EPB41L4B: variants seen among roughly 807,000 people sequenced by gnomAD.
EPB41L4B encodes the protein erythrocyte membrane protein band 4.1 like 4B, also known as band 4.1-like protein 4B.
In EPB41L4B, 30 loss-of-function variants were observed where a neutral mutation model predicts 112.5. The observed-to-expected ratio is 0.27, with a 90% CI of 0.20 to 0.36. The LOEUF is 0.36. EPB41L4B is among the 10% of genes least tolerant of loss of function. The pLI, the probability that EPB41L4B is intolerant of heterozygous loss-of-function variation, is 1.00. For missense variants in EPB41L4B, 1,024 were observed against 1,133.3 expected (o/e 0.90, Z 1.38); for synonymous variants, 408 against 439.7 (o/e 0.93, Z 0.90).
intron 15 of EPB41L4B, among the ~76,000 whole-genome samples, chr9:109,242,256 T>C (rs1412261495): frequency 2.0e-5 from 3 of 152,210 alleles, no homozygotes; most frequent in African/African-American, 4.8e-5. Flanking sequence ...CCCCACCCCA[T>C]AGATTCTGAT....
chr9:109,232,905 G>A (rs1430216006), intron 15 of EPB41L4B, among the ~76,000 whole-genome samples: 1 of 152,120 alleles, frequency 6.6e-6, no homozygotes, highest in Non-Finnish European at 1.5e-5. Flanking sequence ...ATCCTTAGTT[G>A]GCCTCCGAAG....
intron 20 of EPB41L4B, among the ~76,000 whole-genome samples, chr9:109,197,756 G>T (rs118089044): frequency 0.022 from 3,236 of 149,036 alleles, 51 homozygotes; most frequent in Non-Finnish European, 0.034. Flanking sequence ...GGAGGCGAAG[G>T]TTGCAGTGAG....
chr9:109,255,488 G>A (rs767756326), intron 11 of EPB41L4B, 23 bp downstream of exon 11: 40 of 1,611,218 alleles, frequency 2.5e-5, no homozygotes, highest in Admixed American at 1.2e-4. Flanking sequence ...GACGTGATCC[G>A]TGTTGCAGAA....
At chr9:109,233,666 G>T (rs1834033056) in intron 15 of EPB41L4B, among the ~76,000 whole-genome samples, 1 of 151,910 alleles carries the variant, frequency 6.6e-6, no homozygotes, top group African/African-American at 2.4e-5. Flanking sequence ...GAGTAGCTGG[G>T]GTTACAGGCA....
chr9:109,234,901 C>T (rs1834085814), intron 15 of EPB41L4B, among the ~76,000 whole-genome samples: 1 of 152,202 alleles, frequency 6.6e-6, no homozygotes, highest in Non-Finnish European at 1.5e-5. Context: ...CAACAAAGCA[C>T]AGTGGTTCCC....
In EPB41L4B at chr9:109,174,390, C is replaced by A. The variant is rs1453585134; in HGVS notation, c.*164G>T. ...CTAATGCTTAGGAGACATAAAATAA[C>A]TTTTCCCATAAAAGTCAAGCCAGAA... On this transcript the variant is annotated 3_prime_UTR_variant, in exon 26 of 26. Transcript: ENST00000374566. The A allele has an allele frequency of 3.1e-6, 2 of 645,942 alleles. No individual in the cohort carries two copies. The highest frequency in any genetic ancestry group is 2.8e-5 in the East Asian group (1 of 35,874). The allele number at this position is 645,942 out of a possible 1,614,324, so 40.0% of individuals were successfully genotyped here.
At chr9:109,274,320 G>A (rs954326943) in intron 2 of EPB41L4B, among the ~76,000 whole-genome samples, 2 of 152,032 alleles carry the variant, frequency 1.3e-5, no homozygotes, top group African/African-American at 4.8e-5. Context: ...TACTACCACT[G>A]CCCCAAATCC....
chr9:109,236,004 T>C (rs1834127929), intron 15 of EPB41L4B, among the ~76,000 whole-genome samples: 1 of 152,234 alleles, frequency 6.6e-6, no homozygotes, highest in South Asian at 2.1e-4. Context: ...TATGGGGCTC[T>C]TGTCCCTTGA....
chr9:109,299,910 C>G (rs982794943), intron 1 of EPB41L4B, among the ~76,000 whole-genome samples: 8 of 152,208 alleles, frequency 5.3e-5, no homozygotes, highest in Non-Finnish European at 1.5e-5. Flanking sequence ...CCCGCACTCA[C>G]AGCAGAGCTT....
intron 1 of EPB41L4B, among the ~76,000 whole-genome samples, chr9:109,287,268 T>C (rs1477773344): frequency 2.0e-5 from 3 of 152,168 alleles, no homozygotes; most frequent in Non-Finnish European, 4.4e-5. Flanking sequence ...ACAGCTGATG[T>C]CTTAACTGCC....
chr9:109,298,058 GA>G (rs962210967), intron 1 of EPB41L4B, among the ~76,000 whole-genome samples: 9 of 147,282 alleles, frequency 6.1e-5, no homozygotes, highest in Non-Finnish European at 9.0e-5. Flanking sequence ...GTAGTCTTAA[GA>G]AAAAAAAAAG....
rs201399208 is a variant in EPB41L4B, at chr9:109,217,107, C to T, written c.1448G>A (p.Arg483Gln). The stretch of plus-strand genomic sequence containing the variant: ...ATTCTCCTCAATGCCAAAAGGCAAC[C>T]GGTCCGAGCTGCTAAGCACTGGGGA... ...LPSPVLSSSD[R>Q]LPFGIEENGG... The change falls in exon 16 of 26, where the codon CGG (arginine) becomes CAG (glutamine). Residue 483 changes from arginine to glutamine, a missense_variant. Transcript: ENST00000374566. The T allele has an allele frequency of 3.5e-5, 57 of 1,613,992 alleles. No homozygotes were observed. The highest frequency in any genetic ancestry group is 1.7e-4 in the Middle Eastern group (1 of 6,020).
intron 1 of EPB41L4B, among the ~76,000 whole-genome samples, chr9:109,311,266 G>C (rs1304089264): frequency 6.6e-6 from 1 of 152,208 alleles, no homozygotes; most frequent in Non-Finnish European, 1.5e-5. Flanking sequence ...CTCAGCAAGT[G>C]AACAGGTAGA....
intron 6 of EPB41L4B, 144 bp downstream of exon 6, chr9:109,262,906 G>A: frequency 3.4e-6 from 2 of 588,712 alleles, no homozygotes; most frequent in Middle Eastern, 3.0e-4. Context: ...TCACTGGACT[G>A]CACGCCACTT....
rs977416362 is a variant in EPB41L4B, at chr9:109,253,461, C to T, written c.1259G>A (p.Arg420Gln). The change falls in exon 12 of 26, where the codon CGG (arginine) becomes CAG (glutamine). Residue 420 changes from arginine to glutamine, a missense_variant. Transcript: ENST00000374566. The stretch of plus-strand genomic sequence containing the variant: ...ACAACCTTTGAACGTTGAATGTCTC[C>T]GGGATGGATAACGTTTACTAGGCTT... ...ERKPSKRYPS[R>Q]RHSTFKASNP... The T allele has an allele frequency of 8.1e-6, 13 of 1,612,530 alleles. No individual in the cohort carries two copies. Among genetic ancestry groups the T allele is most frequent in the South Asian group, 4.4e-5 (4 of 91,030 alleles).
chr9:109,251,632 G>T, intron 12 of EPB41L4B, 121 bp from the exon 13 acceptor site: 1 of 871,184 alleles, frequency 1.1e-6, no homozygotes, highest in Non-Finnish European at 2.0e-6. Flanking sequence ...CTCCAACCCA[G>T]GCAGAACTGC....
intron 20 of EPB41L4B, among the ~76,000 whole-genome samples, chr9:109,200,032 A>G (rs978690286): frequency 6.6e-6 from 1 of 152,220 alleles, no homozygotes; most frequent in African/African-American, 2.4e-5. Flanking sequence ...GTAATTTATT[A>G]CACAGTAGTC....
intron 25 of EPB41L4B, among the ~76,000 whole-genome samples, chr9:109,175,247 A>G (rs1278776507): frequency 6.6e-6 from 1 of 151,990 alleles, no homozygotes; most frequent in Non-Finnish European, 1.5e-5. Context: ...GAAGATGTCC[A>G]GGGGTTAGAT....
intron 21 of EPB41L4B, among the ~76,000 whole-genome samples, 160 bp downstream of exon 21, chr9:109,194,060 C>T (rs1203711325): frequency 1.3e-5 from 2 of 152,166 alleles, no homozygotes; most frequent in African/African-American, 4.8e-5. Context: ...ATTTTGGGGT[C>T]AAGTTATATA....
Sources: gnomAD v4.1 joint callset for allele counts (sites outside exome capture counted in the v4.1 genomes callset) on GRCh38, gnomAD v4.1.1 for gene constraint, MANE v1.5 for transcripts, NCBI Gene and HGNC (gene_info 2026-07-23, HGNC 2026-07-21) for gene names.